The following COBL variants were observed in gnomAD, a reference collection of about 807,000 sequenced individuals.
COBL encodes protein cordon-bleu.
In COBL, 51 loss-of-function variants were observed where a neutral mutation model predicts 98.8. That is an observed-to-expected ratio of 0.52 (90% CI 0.41 to 0.65). The LOEUF (loss-of-function observed/expected upper bound fraction) is 0.65. COBL is among the 30% of genes least tolerant of loss of function. COBL has a pLI of 0.00. For missense variants in COBL, 1,617 were observed against 1,617.5 expected, an observed-to-expected ratio of 1.00 and a Z score of 0.01; for synonymous variants, 634 against 651.7, an observed-to-expected ratio of 0.97 and a Z score of 0.41.
chr7:51,243,095 A>C (rs1795949446), intron 1 of COBL, among the ~76,000 whole-genome samples: 1 of 152,240 alleles, frequency 6.6e-6, no homozygotes, highest in Admixed American at 6.5e-5. Flanking sequence ...TGAGTGAGCC[A>C]GTCCCGTTGG....
chr7:51,073,857 T>C (rs1792800330), intron 7 of COBL, among the ~76,000 whole-genome samples: 1 of 152,200 alleles, frequency 6.6e-6, no homozygotes, highest in Non-Finnish European at 1.5e-5. Flanking sequence ...ATGGTGACAC[T>C]GGGCAGGCCC....
chr7:51,255,009 G>A (rs1286606492), intron 1 of COBL, among the ~76,000 whole-genome samples: 5 of 152,146 alleles, frequency 3.3e-5, no homozygotes, highest in African/African-American at 1.2e-4. Context: ...AAAGTACGTT[G>A]TGGATAGTTC....
chr7:51,303,976 G>A (rs867654331), intron 1 of COBL, among the ~76,000 whole-genome samples: 2 of 152,112 alleles, frequency 1.3e-5, no homozygotes, highest in African/African-American at 4.8e-5. Context: ...ATTTTTAATG[G>A]GTAAAGGGTA....
intron 5 of COBL, among the ~76,000 whole-genome samples, chr7:51,149,793 C>T (rs1364417415): frequency 6.6e-6 from 1 of 152,094 alleles, no homozygotes; most frequent in Non-Finnish European, 1.5e-5. Flanking sequence ...CTTCGTAGAG[C>T]TGCGGTTTCA....
At chr7:51,134,557 T>C (rs1799044838) in intron 6 of COBL, among the ~76,000 whole-genome samples, 2 of 152,240 alleles carry the variant, frequency 1.3e-5, no homozygotes, top group Admixed American at 1.3e-4. Flanking sequence ...GTTCACCATC[T>C]ACATTTTATC....
intron 1 of COBL, among the ~76,000 whole-genome samples, chr7:51,289,269 C>T (rs894742116): frequency 6.6e-6 from 1 of 152,186 alleles, no homozygotes; most frequent in African/African-American, 2.4e-5. Context: ...ATACTTGTGT[C>T]CTTCCCTCTC....
intron 7 of COBL, among the ~76,000 whole-genome samples, chr7:51,070,123 T>C (rs1337760477): frequency 6.6e-6 from 1 of 152,182 alleles, no homozygotes. Flanking sequence ...TAACAGTAAA[T>C]TTAAATCACA....
At chr7:51,101,368 A>T (rs1405131601) in intron 6 of COBL, among the ~76,000 whole-genome samples, 1 of 152,202 alleles carries the variant, frequency 6.6e-6, no homozygotes, top group East Asian at 1.9e-4. Context: ...CAGGGTGTTA[A>T]TTGTATCTCA....
chr7:51,211,388 T>C (rs1283567244), intron 2 of COBL, among the ~76,000 whole-genome samples: 1 of 152,206 alleles, frequency 6.6e-6, no homozygotes, highest in Non-Finnish European at 1.5e-5. Context: ...TCAGCTTTAT[T>C]ACTGGTGAGA....
chr7:51,061,981 A>ACACACACACACT lies in COBL; in HGVS notation c.1097-18290_1097-18289insAGTGTGTGTGTG, dbSNP rs1322943132. Among the ~76,000 whole-genome samples, 731 of 150,616 alleles carry ACACACACACACT rather than the reference A, an allele frequency of 4.9e-3. 19 individuals are homozygous for ACACACACACACT. The highest frequency in any genetic ancestry group is 0.044 in the South Asian group (207 of 4,728). ...CACACACACACACACACACACACAC[A>ACACACACACACT]CTCATAAATATATCCTATTGTTCTG... On this transcript the variant is annotated intron_variant, in intron 7 of 12. Coordinates refer to ENST00000265136, the MANE Select transcript of COBL (RefSeq NM_015198.5).
rs61737954 is a variant in COBL, at chr7:51,026,572, G to A, written c.3478C>T (p.His1160Tyr). Residue 1160 changes from histidine to tyrosine, a missense_variant, in exon 11 of 13, where the codon CAC (histidine) becomes TAC (tyrosine). Transcript: ENST00000265136. ...RSALLAAIRG[H>Y]SGTCSLRKVA... ...TTCCTCAGGCTGCAGGTGCCGCTGT[G>A]CCCGCGGATAGCTGCCAGCAGTGCA... is the stretch of plus-strand genomic sequence containing the variant. 0.073 allele frequency: 117,988 copies of A among 1,614,038 alleles called. 4,963 individuals are homozygous for A. The highest frequency in any genetic ancestry group is 0.084 in the South Asian group (7,655 of 91,088).
chr7:51,088,085 C>T (rs1363280627), intron 6 of COBL, among the ~76,000 whole-genome samples: 1 of 152,234 alleles, frequency 6.6e-6, no homozygotes, highest in East Asian at 1.9e-4. Flanking sequence ...GGCTCAGGGG[C>T]TTCTGAGTCC....
chr7:51,086,023 T>C (rs1346307496), intron 6 of COBL, among the ~76,000 whole-genome samples: 1 of 152,204 alleles, frequency 6.6e-6, no homozygotes, highest in Non-Finnish European at 1.5e-5. Flanking sequence ...TTGCTGAATG[T>C]GAAATCTGTT....
chr7:51,078,579 G>A (rs1200490358), intron 7 of COBL, among the ~76,000 whole-genome samples: 1 of 152,198 alleles, frequency 6.6e-6, no homozygotes, highest in Non-Finnish European at 1.5e-5. Flanking sequence ...GTTATCTATT[G>A]CTGCAGAACA....
intron 2 of COBL, among the ~76,000 whole-genome samples, chr7:51,218,664 T>C (rs557004848): frequency 1.3e-5 from 2 of 152,184 alleles, no homozygotes; most frequent in South Asian, 2.1e-4. Flanking sequence ...TTAGTAGAAA[T>C]GGGGTTTCAC....
intron 1 of COBL, among the ~76,000 whole-genome samples, chr7:51,266,559 C>A (rs1422753063): frequency 6.6e-6 from 1 of 152,270 alleles, no homozygotes; most frequent in Admixed American, 6.5e-5. Flanking sequence ...GCCTGGGCAA[C>A]AAGAGCGAGA....
chr7:51,283,129 A>T (rs1201304278), intron 1 of COBL, among the ~76,000 whole-genome samples: 1 of 152,194 alleles, frequency 6.6e-6, no homozygotes, highest in Non-Finnish European at 1.5e-5. Flanking sequence ...GAAAAAGTAG[A>T]GCAAAACAAA....
intron 1 of COBL, among the ~76,000 whole-genome samples, chr7:51,313,769 T>C (rs527986464): frequency 3.9e-5 from 6 of 152,338 alleles, no homozygotes; most frequent in Admixed American, 2.0e-4. Context: ...CCTATAAATA[T>C]TCAGACAAAC....
chr7:51,287,510 G>A (rs757448722), intron 1 of COBL, among the ~76,000 whole-genome samples: 1 of 152,204 alleles, frequency 6.6e-6, no homozygotes, highest in Non-Finnish European at 1.5e-5. Flanking sequence ...AGCAATTGGA[G>A]CTCTCATGCA....
Sources: gnomAD v4.1 joint callset for allele counts (sites outside exome capture counted in the v4.1 genomes callset) on GRCh38, gnomAD v4.1.1 for gene constraint, MANE v1.5 for transcripts, NCBI Gene and HGNC (gene_info 2026-07-23, HGNC 2026-07-21) for gene names.